Variants in WDHD1 observed in about 807,000 individuals in gnomAD.
WDHD1 encodes WD repeat and HMG-box DNA-binding protein 1.
In WDHD1, 111 loss-of-function variants were observed where a neutral mutation model predicts 135.4. The observed-to-expected ratio is 0.82, with a 90% CI of 0.70 to 0.96. WDHD1 has a LOEUF of 0.96. Among genes scored for constraint, WDHD1 ranks in the 40% least tolerant of loss-of-function variants. The probability of loss-of-function intolerance (pLI) is 0.00; values close to 1 mark genes in which losing one functional copy is unlikely to be tolerated. For missense variants in WDHD1, 1,351 were observed against 1,336.3 expected (o/e 1.01, Z -0.17); for synonymous variants, 434 against 439.0 (o/e 0.99, Z 0.14).
rs1431029878 is a variant in WDHD1, at chr14:54,968,407, TAGAA to T, written c.2064-1017_2064-1014del. ...ATAGCACTAAACACCTATATCAAGT[TAGAA>T]AGATCTCAAATTAACAATCTAACAT... On this transcript the variant is annotated intron_variant, in intron 16 of 25. Coordinates refer to ENST00000360586, the MANE Select transcript of WDHD1 (RefSeq NM_007086.4). Among the ~76,000 whole-genome samples the T allele has an allele frequency of 1.3e-5, 2 of 152,054 alleles. 1 individual carries two copies. Among genetic ancestry groups the T allele is most frequent in the Admixed American group, 1.3e-4 (2 of 15,242 alleles).
rs984222831 is a variant in WDHD1 at position 55,005,004 on chromosome 14, G to A, written c.600+2276C>T. ...AGGAGCACCGAACTCAGGAGCTGGA[G>A]TAGTCCATTCACCCTGAAATTCCTC... On this transcript the variant is annotated intron_variant, in intron 7 of 25. Coordinates refer to ENST00000360586, the MANE Select transcript of WDHD1 (RefSeq NM_007086.4). 4 of 544,298 alleles carry A rather than the reference G, an allele frequency of 7.3e-6. No individual in the cohort carries two copies. In the African/African-American group the frequency reaches 7.6e-5, roughly 10 times the overall value. 33.7% of individuals were successfully genotyped at this position (544,298 alleles called of 1,614,324 possible).
rs541511829 is a variant in WDHD1 at position 54,941,214 on chromosome 14, A to G, written c.*276T>C. ...TAATGATTTTTCAAGGTTAAGAAAC[A>G]AATTCAAATTGGTTGGAGCTTCAAC... On this transcript the variant is annotated 3_prime_UTR_variant, in exon 26 of 26. Coordinates refer to ENST00000360586, the MANE Select transcript of WDHD1 (RefSeq NM_007086.4). The G allele has an allele frequency of 3.9e-6, 1 of 258,404 alleles. No individual in the cohort carries two copies. Among genetic ancestry groups the G allele is most frequent in the South Asian group, 9.7e-5 (1 of 10,312 alleles). The allele number at this position is 258,404 out of a possible 1,614,324, so 16.0% of individuals were successfully genotyped here.
intron 7 of WDHD1, among the ~76,000 whole-genome samples, chr14:55,006,256 T>C (rs2042067257): frequency 1.3e-5 from 2 of 152,250 alleles, no homozygotes; most frequent in Admixed American, 1.3e-4. Flanking sequence ...TTTCTAAGAA[T>C]ATATGTTTCT....
intron 2 of WDHD1, among the ~76,000 whole-genome samples, chr14:55,020,874 A>G (rs1213607006): frequency 6.6e-6 from 1 of 152,274 alleles, no homozygotes; most frequent in Non-Finnish European, 1.5e-5. Context: ...AGCAATATAG[A>G]GAAAAAATAT....
intron 18 of WDHD1, among the ~76,000 whole-genome samples, chr14:54,965,393 A>T (rs2041324723): frequency 6.6e-6 from 1 of 152,214 alleles, no homozygotes; most frequent in African/African-American, 2.4e-5. Flanking sequence ...GTCACAAATA[A>T]ATTTTCATCA....
chr14:54,946,525 G>A (rs530678314), intron 24 of WDHD1, among the ~76,000 whole-genome samples: 4 of 152,146 alleles, frequency 2.6e-5, no homozygotes, highest in East Asian at 3.9e-4. Context: ...TTGCTTTGTC[G>A]CCCAGGCTGG....
chr14:54,943,912 G>A (rs1285322979), intron 25 of WDHD1, among the ~76,000 whole-genome samples: 2 of 150,778 alleles, frequency 1.3e-5, no homozygotes, highest in African/African-American at 2.4e-5. Flanking sequence ...ATCACACCAC[G>A]ACACTCCTGC....
rs550819286 is a variant in WDHD1, at chr14:54,955,955, T to C, written c.2917-261A>G. On this transcript the variant is annotated intron_variant, in intron 23 of 25. Coordinates refer to ENST00000360586, the MANE Select transcript of WDHD1 (RefSeq NM_007086.4). The stretch of plus-strand genomic sequence containing the variant: ...CTCTGTTGCCCAGGCTGGAGTGCAG[T>C]GGCGCTATCTCGGCTCACTGCAACC... Among the ~76,000 whole-genome samples the C allele has an allele frequency of 5.9e-4, 86 of 145,480 alleles. 1 individual carries two copies. The highest frequency in any genetic ancestry group is 2.0e-3 in the Admixed American group (27 of 13,744).
chr14:54,969,299 T>C (rs2041393991), intron 16 of WDHD1, among the ~76,000 whole-genome samples: 2 of 149,330 alleles, frequency 1.3e-5, no homozygotes, highest in Admixed American at 1.3e-4. Context: ...GTGCTGGGAT[T>C]ACAGGCGTGA....
chr14:55,019,547 A>G (rs2042311146), intron 2 of WDHD1, among the ~76,000 whole-genome samples: 1 of 152,144 alleles, frequency 6.6e-6, no homozygotes, highest in African/African-American at 2.4e-5. Context: ...GATTTTAGTT[A>G]TAAGATGTAT....
At chr14:54,959,302 G>A (rs2041209760) in intron 21 of WDHD1, among the ~76,000 whole-genome samples, 1 of 145,202 alleles carries the variant, frequency 6.9e-6, no homozygotes, top group Non-Finnish European at 1.5e-5. Context: ...GGAGGCTGAG[G>A]TGGAAAGATC....
intron 21 of WDHD1, among the ~76,000 whole-genome samples, chr14:54,961,999 G>C (rs1230756574): frequency 6.6e-6 from 1 of 152,100 alleles, no homozygotes; most frequent in Non-Finnish European, 1.5e-5. Flanking sequence ...ACCACCCTCA[G>C]CTAATTTTTG....
chr14:54,964,974 T>C (rs562451327), intron 18 of WDHD1, among the ~76,000 whole-genome samples: 1 of 152,338 alleles, frequency 6.6e-6, no homozygotes, highest in African/African-American at 2.4e-5. Context: ...TACAATAAAC[T>C]GAGTTTTCTT....
At chr14:54,943,920 T>G (rs899095804) in intron 25 of WDHD1, among the ~76,000 whole-genome samples, 6 of 151,610 alleles carry the variant, frequency 4.0e-5, no homozygotes, top group African/African-American at 1.5e-4. Context: ...ACGACACTCC[T>G]GCCTGGGTGA....
Position 55,007,336 on chromosome 14 carries a change from C to A in WDHD1, c.544G>T (p.Asp182Tyr). The change falls in exon 7 of 26, where the codon GAT becomes TAT. Residue 182 changes from aspartate to tyrosine, a missense_variant. Transcript: ENST00000360586. Reference sequence around the variant, plus strand: ...CAGATTGATTTTGCATTTATCACATCGTTGCATTTTTGTAGCAGTGGCCAA... The same window carrying A: ...CAGATTGATTTTGCATTTATCACATAGTTGCATTTTTGTAGCAGTGGCCAA... ...ISWPLLQKCN[D>Y]VINAKSICRL... is the part of the protein sequence containing the mutation. 3.7e-6 allele frequency: 6 copies of A among 1,606,422 alleles called. No homozygotes were observed. The highest frequency in any genetic ancestry group is 1.1e-5 in the South Asian group (1 of 88,158).
intron 24 of WDHD1, among the ~76,000 whole-genome samples, chr14:54,953,200 G>A (rs1012022519): frequency 2.8e-4 from 43 of 152,174 alleles, no homozygotes; most frequent in African/African-American, 9.6e-4. Context: ...CCTACAGAAC[G>A]GGAAAAAATT....
At chr14:54,943,699 G>A (rs2040873973) in intron 25 of WDHD1, among the ~76,000 whole-genome samples, 1 of 152,100 alleles carries the variant, frequency 6.6e-6, no homozygotes. Flanking sequence ...AACTCAGCTT[G>A]ACACTTTTGA....
intron 16 of WDHD1, among the ~76,000 whole-genome samples, chr14:54,977,295 A>T (rs1399733201): frequency 2.0e-5 from 3 of 152,202 alleles, no homozygotes; most frequent in South Asian, 4.1e-4. Flanking sequence ...GCACACAAGC[A>T]CCATGAATTG....
intron 2 of WDHD1, among the ~76,000 whole-genome samples, chr14:55,024,887 C>A (rs1367611111): frequency 1.9e-5 from 2 of 103,954 alleles, no homozygotes; most frequent in African/African-American, 5.8e-5. Flanking sequence ...AGGTATTGTC[C>A]AAGGTTTCTC....
Sources: gnomAD v4.1 joint callset for allele counts (sites outside exome capture counted in the v4.1 genomes callset) on GRCh38, gnomAD v4.1.1 for gene constraint, MANE v1.5 for transcripts, NCBI Gene and HGNC (gene_info 2026-07-23, HGNC 2026-07-21) for gene names.